The following OIP5 variants were observed in gnomAD, a reference collection of about 807,000 sequenced individuals.
OIP5 encodes protein Mis18-beta.
OIP5 carries 24 observed loss-of-function variants against 20.3 expected under a neutral mutation model. The ratio of observed to expected loss-of-function variants is 1.18; its 90% CI spans 0.86 to 1.66. OIP5 has a LOEUF of 1.66. OIP5 is among the 40% of genes most tolerant of loss of function. The probability of loss-of-function intolerance (pLI) is 0.00; values close to 1 mark genes in which losing one functional copy is unlikely to be tolerated. For synonymous variants in OIP5, 143 were observed against 121.3 expected (o/e 1.18, Z -1.17); for missense variants, 339 against 289.5 (o/e 1.17, Z -1.24).
intron 4 of OIP5, among the ~76,000 whole-genome samples, chr15:41,312,918 A>AC (rs2140458496): frequency 6.6e-6 from 1 of 152,212 alleles, no homozygotes; most frequent in East Asian, 1.9e-4. Flanking sequence ...GTGAGCCACC[A>AC]CGCCCGGCCA....
intron 4 of OIP5, among the ~76,000 whole-genome samples, chr15:41,310,646 AG>A (rs1004589200): frequency 6.6e-6 from 1 of 151,386 alleles, no homozygotes. Context: ...AAAAAAAAAA[AG>A]ATCCTCAGAT....
chr15:41,315,760 C>T (rs1054934587), intron 3 of OIP5, among the ~76,000 whole-genome samples: 1 of 152,106 alleles, frequency 6.6e-6, no homozygotes, highest in African/African-American at 2.4e-5. Context: ...TACTTTTGTA[C>T]TGATTTCTAA....
chr15:41,330,191 A>G (rs1302223172), intron 2 of OIP5, among the ~76,000 whole-genome samples: 1 of 149,684 alleles, frequency 6.7e-6, no homozygotes, highest in African/African-American at 2.5e-5. Flanking sequence ...CCCGGGTTCA[A>G]GCGATTCTCC....
At chr15:41,313,510 C>A (rs901148038) in intron 3 of OIP5, among the ~76,000 whole-genome samples, 156 bp from the exon 4 acceptor site, 1 of 152,076 alleles carries the variant, frequency 6.6e-6, no homozygotes, top group Non-Finnish European at 1.5e-5. Flanking sequence ...CCCACCATAT[C>A]CATGGGTATA....
rs908010608 is a variant in OIP5, at chr15:41,321,306, G to T, written c.390-1526C>A. Among the ~76,000 whole-genome samples the T allele has an allele frequency of 5.3e-5, 8 of 149,544 alleles. 1 individual carries two copies. The highest frequency in any genetic ancestry group is 4.1e-4 in the East Asian group (2 of 4,912). ...TCCCGTCCTGGAGGGAGGTGGGGGG[G>T]TCAGCCCCCCGCCCGGCCAGCCGCC... On this transcript the variant is annotated intron_variant, in intron 2 of 4. Transcript: ENST00000220514.
chr15:41,326,811 T>C (rs1442077286), intron 2 of OIP5, among the ~76,000 whole-genome samples: 2 of 152,186 alleles, frequency 1.3e-5, no homozygotes, highest in African/African-American at 2.4e-5. Flanking sequence ...GCTCTGCCAC[T>C]AAGGGTTAGC....
chr15:41,331,110 T>C (rs16971767), intron 2 of OIP5, among the ~76,000 whole-genome samples: 57,724 of 152,088 alleles, frequency 0.38, 12,079 homozygotes, highest in African/African-American at 0.57. Flanking sequence ...AATTCCTATA[T>C]TTTAACCGTA....
chr15:41,332,522 T>C lies in OIP5; in HGVS notation c.40A>G (p.Thr14Ala), dbSNP rs532029473. ...CCACAAAAGTCCCCCCGGGGCGGCGTTGCACAACGTGAGCGATGCCGCAGC... is the reference window on the plus strand; with the variant it reads ...CCACAAAAGTCCCCCCGGGGCGGCGCTGCACAACGTGAGCGATGCCGCAGC... Reference protein sequence around the residue: ...QPLRHRSRCATPPRGDFCGGT... With the variant: ...QPLRHRSRCAAPPRGDFCGGT... The change falls in exon 1 of 5, where the codon ACG becomes GCG. Residue 14 changes from threonine to alanine, a missense_variant. Coordinates refer to ENST00000220514, the MANE Select transcript of OIP5 (RefSeq NM_007280.2). The C allele has an allele frequency of 1.1e-5, 18 of 1,612,584 alleles. No individual in the cohort carries two copies. The Admixed American group carries it at 1.3e-4, about 12-fold the overall frequency.
rs577132690 is a variant in OIP5 at position 41,320,279 on chromosome 15, CCCACGGTCTCCCTCTCCCTCTCTTT to C, written c.390-524_390-500del. Reference sequence around the variant, plus strand: ...GCGCCCTCTCCCTCTCCCTCCTCTCCCCACGGTCTCCCTCTCCCTCTCTTTCCACGGTCTCCCTCTGATGCCAAGC... The same window carrying C: ...GCGCCCTCTCCCTCTCCCTCCTCTCCCCACGGTCTCCCTCTGATGCCAAGC... On this transcript the variant is annotated intron_variant, in intron 2 of 4. Transcript: ENST00000220514. Among the ~76,000 whole-genome samples the C allele has an allele frequency of 3.9e-3, 599 of 151,888 alleles. 2 individuals carry two copies. The highest frequency in any genetic ancestry group is 5.7e-3 in the Non-Finnish European group (385 of 67,984).
rs560620053 is a variant in OIP5, at chr15:41,331,459, C to T, written c.389+456G>A. On this transcript the variant is annotated intron_variant, in intron 2 of 4. Coordinates refer to ENST00000220514, the MANE Select transcript of OIP5 (RefSeq NM_007280.2). ...ATTAGCCGGGAGTGGTGCTGTGTGC[C>T]TGTAGTCCCAGCTACTCCGGAGGGT... 3.9e-5 allele frequency among the ~76,000 whole-genome samples: 6 copies of T among 152,256 alleles called. No individual in the cohort carries two copies. In the South Asian group the frequency reaches 1.2e-3, roughly 32 times the overall value.
rs772235268 is a variant in OIP5, at chr15:41,332,410, C to A, written c.152G>T (p.Gly51Val). The A allele has an allele frequency of 1.2e-6, 2 of 1,613,936 alleles. No individual in the cohort carries two copies. Reference protein sequence around the residue: ...TQVVKGSSPLGPAGLGAEEPA... With the variant: ...TQVVKGSSPLVPAGLGAEEPA... ...CTCCTCAGCCCCCAGCCCTGCGGGG[C>A]CGAGCGGCGAGGACCCCTTCACCAC... Residue 51 changes from glycine to valine, a missense_variant, in exon 1 of 5, where the codon GGC (glycine) becomes GTC (valine). By Grantham distance (109) the Gly-to-Val change is moderately radical. Transcript: ENST00000220514.
chr15:41,325,281 TG>T (rs1375800676), intron 2 of OIP5, among the ~76,000 whole-genome samples: 1 of 151,916 alleles, frequency 6.6e-6, no homozygotes, highest in Non-Finnish European at 1.5e-5. Context: ...GGCGGGCCCC[TG>T]TAAGTCCCAG....
intron 3 of OIP5, among the ~76,000 whole-genome samples, chr15:41,319,133 C>T (rs1166914346): frequency 6.7e-6 from 1 of 150,036 alleles, no homozygotes; most frequent in Non-Finnish European, 1.5e-5. Flanking sequence ...TGTAGTGGTG[C>T]AATCTCAGCT....
At chr15:41,326,944 G>C (rs1283595674) in intron 2 of OIP5, among the ~76,000 whole-genome samples, 1 of 151,986 alleles carries the variant, frequency 6.6e-6, no homozygotes, top group African/African-American at 2.4e-5. Flanking sequence ...CTTATCAGTA[G>C]AATGAGGTCA....
chr15:41,325,586 C>T (rs980804841), intron 2 of OIP5, among the ~76,000 whole-genome samples: 15 of 151,068 alleles, frequency 9.9e-5, no homozygotes, highest in Non-Finnish European at 2.2e-4. Flanking sequence ...CGCAGTGGCT[C>T]ACACCCGTAA....
intron 1 of OIP5, 112 bp from the exon 2 acceptor site, chr15:41,332,093 C>G: frequency 7.5e-7 from 1 of 1,338,368 alleles, no homozygotes; most frequent in Non-Finnish European, 1.1e-6. Flanking sequence ...CCCCGATTCC[C>G]TGCCCCATCC....
intron 3 of OIP5, among the ~76,000 whole-genome samples, chr15:41,318,716 CTTTTT>C (rs11287857): frequency 1.4e-5 from 2 of 143,798 alleles, no homozygotes; most frequent in Admixed American, 7.0e-5. Flanking sequence ...GGTCCCACTG[CTTTTT>C]TTTTTTTTTG....
At chr15:41,328,038 T>C (rs748182828) in intron 2 of OIP5, among the ~76,000 whole-genome samples, 14 of 151,944 alleles carry the variant, frequency 9.2e-5, no homozygotes, top group Non-Finnish European at 1.6e-4. Flanking sequence ...GAGGCGGAGG[T>C]TGTTCTCCAT....
In OIP5 at chr15:41,332,394, C is replaced by T; in HGVS notation, c.168G>A (p.Gly56=). Residue 56 remains glycine (G), a synonymous_variant, in exon 1 of 5, where the codon GGG becomes GGA. Coordinates refer to ENST00000220514, the MANE Select transcript of OIP5 (RefSeq NM_007280.2). ...GCGGGCCGGCGGCTGGCTCCTCAGCCCCCAGCCCTGCGGGGCCGAGCGGCG... is the reference window on the plus strand; with the variant it reads ...GCGGGCCGGCGGCTGGCTCCTCAGCTCCCAGCCCTGCGGGGCCGAGCGGCG... ...GSSPLGPAGL[G]AEEPAAGPQL... 1 of 1,613,644 alleles carries T rather than the reference C, an allele frequency of 6.2e-7. No individual in the cohort carries two copies. The highest frequency in any genetic ancestry group is 8.5e-7 in the Non-Finnish European group (1 of 1,179,732).
Sources: allele counts gnomAD v4.1 joint callset (sites outside exome capture counted in the v4.1 genomes callset), GRCh38; gene constraint gnomAD v4.1.1; transcripts MANE v1.5; gene names NCBI Gene and HGNC (gene_info 2026-07-23, HGNC 2026-07-21).